UXS1: variants seen among roughly 807,000 people sequenced by gnomAD.
UXS1 encodes UDP-glucuronic acid decarboxylase 1.
A neutral mutation model predicts 62.6 loss-of-function variants in UXS1; 33 were observed. That is an observed-to-expected ratio of 0.53 (90% confidence interval 0.40 to 0.70). The LOEUF (loss-of-function observed/expected upper bound fraction) is 0.70. Ranked by LOEUF, UXS1 falls within the 30% of genes least tolerant of loss-of-function variation. UXS1 has a pLI of 0.00. For synonymous variants in UXS1, 213 were observed against 206.8 expected (o/e 1.03, Z -0.26); for missense variants, 434 against 556.3 (o/e 0.78, Z 2.21).
At chr2:106,113,545 T>C (rs1406619979) in intron 9 of UXS1, among the ~76,000 whole-genome samples, 2 of 152,242 alleles carry the variant, frequency 1.3e-5, no homozygotes, top group Admixed American at 6.5e-5. Flanking sequence ...AAGTGCATAC[T>C]TGAATAACAA....
rs755125981 is a variant in UXS1 at position 106,096,960 on chromosome 2, C to A, written c.1043-139G>T. On this transcript the variant is annotated intron_variant, in intron 13 of 14. Transcript: ENST00000283148. ...GGTGGAAATGCAGTTCTCTGAGAAG[C>A]CCCGGAGCTCCCGAGGGACTGTTCT... The A allele has an allele frequency of 6.0e-6, 5 of 837,088 alleles. No individual in the cohort carries two copies. The African/African-American group carries it at 6.7e-5, about 11-fold the overall frequency. 51.9% of individuals were successfully genotyped at this position (837,088 alleles called of 1,614,324 possible).
chr2:106,118,195 G>C lies in UXS1; in HGVS notation c.759+4775C>G, dbSNP rs78863017. 9.5e-3 allele frequency among the ~76,000 whole-genome samples: 1,438 copies of C among 151,186 alleles called. 23 individuals are homozygous for C. The highest frequency in any genetic ancestry group is 0.033 in the African/African-American group (1,364 of 41,114). On this transcript the variant is annotated intron_variant, in intron 9 of 14. Coordinates refer to ENST00000283148, the MANE Select transcript of UXS1 (RefSeq NM_001253875.2). Reference sequence around the variant, plus strand: ...TCCTGGGGTGTGAGTCCTAGCCATGGAACACTGCACCTGGTTTGGCTGCTT... The same window carrying C: ...TCCTGGGGTGTGAGTCCTAGCCATGCAACACTGCACCTGGTTTGGCTGCTT...
At chr2:106,173,309 C>A (rs3888361) in intron 1 of UXS1, among the ~76,000 whole-genome samples, 1 of 152,068 alleles carries the variant, frequency 6.6e-6, no homozygotes, top group Non-Finnish European at 1.5e-5. Context: ...TGCCTGTAAT[C>A]CCAGCACTTT....
In UXS1 at chr2:106,152,441, GGAAAGAAAA is replaced by G. The variant is rs1203328687; in HGVS notation, c.291+5608_291+5616del. On this transcript the variant is annotated intron_variant, in intron 5 of 14. Coordinates refer to ENST00000283148, the MANE Select transcript of UXS1 (RefSeq NM_001253875.2). ...CACTCCAGCCTGGGTGACAAAGTGA[GGAAAGAAAA>G]GAAAGAAAAGAAAGAAAAGAAAGGA... Among the ~76,000 whole-genome samples, 1,036 of 133,726 alleles carry G rather than the reference GGAAAGAAAA, an allele frequency of 7.7e-3. 14 individuals carry two copies. Among genetic ancestry groups the G allele is most frequent in the Admixed American group, 0.015 (188 of 12,744 alleles). 87.7% of individuals were successfully genotyped at this position (133,726 alleles called of 152,430 possible).
intron 6 of UXS1, among the ~76,000 whole-genome samples, chr2:106,139,868 A>T (rs1680960767): frequency 6.6e-6 from 1 of 152,222 alleles, no homozygotes; most frequent in African/African-American, 2.4e-5. Flanking sequence ...ATTATTTAGC[A>T]CATACTAAAT....
chr2:106,170,982 T>C (rs1161666426), intron 1 of UXS1, among the ~76,000 whole-genome samples: 1 of 152,074 alleles, frequency 6.6e-6, no homozygotes, highest in Non-Finnish European at 1.5e-5. Context: ...CAATATTAAG[T>C]AAAGTAAGTA....
At chr2:106,102,326 T>C (rs1017140651) in intron 11 of UXS1, 6 of 152,154 alleles carry the variant, frequency 3.9e-5, no homozygotes, top group Non-Finnish European at 7.3e-5. Flanking sequence ...TGCCATTCCA[T>C]TGCATCCACA....
At chr2:106,109,357 A>T (rs1678386712) in intron 10 of UXS1, among the ~76,000 whole-genome samples, 1 of 152,212 alleles carries the variant, frequency 6.6e-6, no homozygotes, top group Non-Finnish European at 1.5e-5. Flanking sequence ...TAAAAAGGCT[A>T]AACATCATAC....
intron 9 of UXS1, among the ~76,000 whole-genome samples, chr2:106,120,115 T>C (rs1330445653): frequency 3.3e-5 from 5 of 152,198 alleles, no homozygotes; most frequent in Non-Finnish European, 7.3e-5. Context: ...GTACCAATTT[T>C]AGGGCCCAGA....
Position 106,094,327 on chromosome 2 carries a change from G to C in UXS1, c.1147-170C>G, listed in dbSNP as rs567382612. On this transcript the variant is annotated intron_variant, in intron 14 of 14. Transcript: ENST00000283148. Reference sequence around the variant, plus strand: ...TGGTTGTGACAGCATCCAGCATCACGGCCCACCGAGAGAAGCCAGAAGTCC... The same window carrying C: ...TGGTTGTGACAGCATCCAGCATCACCGCCCACCGAGAGAAGCCAGAAGTCC... Among the ~76,000 whole-genome samples, 22 of 131,076 alleles carry C rather than the reference G, an allele frequency of 1.7e-4. 1 individual carries two copies. The highest frequency in any genetic ancestry group is 6.2e-4 in the African/African-American group (21 of 34,022). 86.0% of individuals were successfully genotyped at this position (131,076 alleles called of 152,430 possible). A position where few individuals can be genotyped will look rare whatever the true frequency, so the allele number is the denominator to read the frequency against.
intron 4 of UXS1, among the ~76,000 whole-genome samples, chr2:106,162,657 C>CA (rs931404918): frequency 9.9e-5 from 15 of 151,966 alleles, no homozygotes; most frequent in Middle Eastern, 3.4e-3. Flanking sequence ...AGAATCATGG[C>CA]AAAAAAAATT....
At chr2:106,184,250 C>T (rs1323304393) in intron 1 of UXS1, among the ~76,000 whole-genome samples, 1 of 152,170 alleles carries the variant, frequency 6.6e-6, no homozygotes, top group Non-Finnish European at 1.5e-5. Flanking sequence ...TTAATCCTCC[C>T]CACATTTACC....
intron 1 of UXS1, among the ~76,000 whole-genome samples, chr2:106,190,266 G>C (rs1684829918): frequency 6.6e-6 from 1 of 152,162 alleles, no homozygotes; most frequent in Admixed American, 6.5e-5. Context: ...AACACTGCAT[G>C]ATGAGCTCCG....
At chr2:106,116,395 T>C (rs1490791789) in intron 9 of UXS1, among the ~76,000 whole-genome samples, 1 of 152,130 alleles carries the variant, frequency 6.6e-6, no homozygotes, top group Non-Finnish European at 1.5e-5. Flanking sequence ...AGGGCGGTAA[T>C]GAGCAGGACT....
intron 8 of UXS1, among the ~76,000 whole-genome samples, 155 bp from the exon 9 acceptor site, chr2:106,123,246 CTT>C (rs1223173685): frequency 1.3e-5 from 2 of 151,638 alleles, no homozygotes; most frequent in East Asian, 1.9e-4. Context: ...AGTCCATTCT[CTT>C]GAGTTCCAGT....
chr2:106,118,925 A>C (rs573358923), intron 9 of UXS1, among the ~76,000 whole-genome samples: 2 of 152,324 alleles, frequency 1.3e-5, no homozygotes, highest in African/African-American at 4.8e-5. Context: ...ATGTATAAGG[A>C]ATTAATTAAA....
intron 13 of UXS1, among the ~76,000 whole-genome samples, chr2:106,097,918 G>A (rs1325083073): frequency 6.6e-6 from 1 of 152,226 alleles, no homozygotes; most frequent in African/African-American, 2.4e-5. Flanking sequence ...ACGAGCAACG[G>A]GAGGATTCCA....
At chr2:106,171,778 C>T (rs1165649285) in intron 1 of UXS1, among the ~76,000 whole-genome samples, 1 of 152,236 alleles carries the variant, frequency 6.6e-6, no homozygotes, top group East Asian at 1.9e-4. Flanking sequence ...ATGTTTTTCT[C>T]AGTCATTCCG....
chr2:106,124,843 T>C (rs1034468916), intron 8 of UXS1, among the ~76,000 whole-genome samples: 2 of 152,206 alleles, frequency 1.3e-5, no homozygotes, highest in Admixed American at 1.3e-4. Context: ...TTGCTATGAT[T>C]TTTTTCATTT....
Sources: gnomAD v4.1 joint callset for allele counts (sites outside exome capture counted in the v4.1 genomes callset) on GRCh38, gnomAD v4.1.1 for gene constraint, MANE v1.5 for transcripts, NCBI Gene and HGNC (gene_info 2026-07-23, HGNC 2026-07-21) for gene names.